The following BCAR3 variants were observed in gnomAD, a reference collection of about 807,000 sequenced individuals.
The protein encoded by BCAR3 is BCAR3 adaptor protein, NSP family member, also known as breast cancer anti-estrogen resistance protein 3.
BCAR3 carries 37 observed loss-of-function variants against 80.1 expected under a neutral mutation model. The observed-to-expected ratio is 0.46, with a 90% CI of 0.36 to 0.61. The LOEUF (loss-of-function observed/expected upper bound fraction) is 0.61, where lower values mean the gene tolerates loss of function less well. Ranked by LOEUF, BCAR3 falls within the 20% of genes least tolerant of loss-of-function variation. The pLI is 0.00. For missense variants in BCAR3, 978 were observed against 1,068.2 expected, an observed-to-expected ratio of 0.92 and a Z score of 1.18; for synonymous variants, 389 against 418.9, an observed-to-expected ratio of 0.93 and a Z score of 0.87.
chr1:93,844,842 G>A (rs1280684352), intron 2 of BCAR3, among the ~76,000 whole-genome samples: 1 of 151,754 alleles, frequency 6.6e-6, no homozygotes, highest in African/African-American at 2.4e-5. Context: ...CAGAAGTGCT[G>A]GAATTACAGG....
At chr1:93,738,071 C>T (rs564026958) in intron 2 of BCAR3, among the ~76,000 whole-genome samples, 2 of 152,058 alleles carry the variant, frequency 1.3e-5, no homozygotes, top group Non-Finnish European at 2.9e-5. Flanking sequence ...TGGCTTGAAG[C>T]GATCCTCCTG....
chr1:93,640,336 T>C (rs186036509), intron 3 of BCAR3, among the ~76,000 whole-genome samples: 55 of 152,058 alleles, frequency 3.6e-4, no homozygotes, highest in Admixed American at 3.1e-3. Context: ...TTAGTGTCCA[T>C]AGAGGCAAAT....
chr1:93,649,311 C>T (rs1676248088), intron 2 of BCAR3, among the ~76,000 whole-genome samples: 1 of 152,190 alleles, frequency 6.6e-6, no homozygotes, highest in South Asian at 2.1e-4. Context: ...GCACAGGACA[C>T]CTTGTCTTGA....
chr1:93,600,052 G>A (rs1440314896), intron 3 of BCAR3, among the ~76,000 whole-genome samples: 1 of 152,196 alleles, frequency 6.6e-6, no homozygotes, highest in Non-Finnish European at 1.5e-5. Flanking sequence ...TTTAGTCCAA[G>A]GGTGCTCCAG....
At chr1:93,813,071 C>T (rs145549607) in intron 2 of BCAR3, among the ~76,000 whole-genome samples, 222 of 152,220 alleles carry the variant, frequency 1.5e-3, no homozygotes, top group African/African-American at 5.0e-3. Flanking sequence ...CTGCATCCCT[C>T]CCCCAGATGA....
chr1:93,642,934 T>G (rs916073576), intron 2 of BCAR3, among the ~76,000 whole-genome samples: 1 of 152,176 alleles, frequency 6.6e-6, no homozygotes. Context: ...AGTGTTTTTA[T>G]TCCCCCATAT....
intron 2 of BCAR3, among the ~76,000 whole-genome samples, chr1:93,708,746 C>A (rs1406318196): frequency 2.0e-5 from 3 of 152,212 alleles, no homozygotes; most frequent in Non-Finnish European, 2.9e-5. Flanking sequence ...AAGACCATCT[C>A]AATAATCCCC....
chr1:93,833,395 C>T (rs1171355527), intron 2 of BCAR3, among the ~76,000 whole-genome samples: 1 of 152,154 alleles, frequency 6.6e-6, no homozygotes, highest in Admixed American at 6.5e-5. Context: ...TGATAAACAT[C>T]TTAACAGGAA....
At chr1:93,829,138 T>C (rs1269174415) in intron 2 of BCAR3, among the ~76,000 whole-genome samples, 1 of 152,052 alleles carries the variant, frequency 6.6e-6, no homozygotes, top group Non-Finnish European at 1.5e-5. Context: ...TGGAACGCAA[T>C]TGGTTTTGTA....
At chr1:93,668,787 C>T (rs180499) in intron 2 of BCAR3, among the ~76,000 whole-genome samples, 1 of 151,386 alleles carries the variant, frequency 6.6e-6, no homozygotes, top group Non-Finnish European at 1.5e-5. Flanking sequence ...TCTTGACTCA[C>T]TAAAACCTCC....
At chr1:93,601,145 A>G (rs995589971) in intron 3 of BCAR3, among the ~76,000 whole-genome samples, 1 of 152,342 alleles carries the variant, frequency 6.6e-6, no homozygotes, top group African/African-American at 2.4e-5. Flanking sequence ...AGCATCTGGC[A>G]CTATACCTGG....
At chr1:93,573,627 A>ATTT (rs1274372630) in intron 8 of BCAR3, among the ~76,000 whole-genome samples, 2 of 138,460 alleles carry the variant, frequency 1.4e-5, no homozygotes, top group African/African-American at 5.7e-5. Context: ...TATTATTATT[A>ATTT]TTATTATTTT....
chr1:93,631,652 T>C (rs1033282389), intron 3 of BCAR3, among the ~76,000 whole-genome samples: 2 of 152,176 alleles, frequency 1.3e-5, no homozygotes, highest in Non-Finnish European at 2.9e-5. Context: ...TTTGAGTCTC[T>C]CAGTCATCCC....
At position 93,661,227 on chromosome 1, in the gene BCAR3, C is replaced by T. The variant is rs187534779; in HGVS notation, c.317+13387G>A. ...GCTAATTTTATAGTTTTAGTAGAGACGGGGTTTCTTCATGTTGGTCAGGTT... is the reference window on the plus strand; with the variant it reads ...GCTAATTTTATAGTTTTAGTAGAGATGGGGTTTCTTCATGTTGGTCAGGTT... On this transcript the variant is annotated intron_variant, in intron 2 of 11. Coordinates refer to ENST00000260502, the MANE Select transcript of BCAR3 (RefSeq NM_003567.4). Among the ~76,000 whole-genome samples the T allele has an allele frequency of 1.8e-3, 274 of 152,172 alleles. 1 individual carries two copies. Among genetic ancestry groups the T allele is most frequent in the African/African-American group, 5.9e-3 (247 of 41,534 alleles).
At chr1:93,731,036 C>G (rs1650768309) in intron 2 of BCAR3, among the ~76,000 whole-genome samples, 1 of 152,216 alleles carries the variant, frequency 6.6e-6, no homozygotes, top group South Asian at 2.1e-4. Flanking sequence ...TAACCTTAGT[C>G]TAGCCATGGG....
At chr1:93,831,648 C>T (rs754893178) in intron 2 of BCAR3, among the ~76,000 whole-genome samples, 3 of 152,250 alleles carry the variant, frequency 2.0e-5, no homozygotes, top group Non-Finnish European at 4.4e-5. Flanking sequence ...CAAGCTCTGA[C>T]TCCTTTGAAT....
chr1:93,790,651 A>ATTT (rs1553172483), intron 2 of BCAR3, among the ~76,000 whole-genome samples: 7 of 83,528 alleles, frequency 8.4e-5, no homozygotes, highest in African/African-American at 2.1e-4. Context: ...TTTTTTCTTA[A>ATTT]TTTTTTTTTT....
At chr1:93,598,973 T>G (rs904588359) in intron 3 of BCAR3, 4 of 152,018 alleles carry the variant, frequency 2.6e-5, no homozygotes, top group Non-Finnish European at 5.9e-5. Context: ...GGCTAAAGCA[T>G]GCGAAGGCAC....
At chr1:93,732,798 A>T (rs1244061456) in intron 2 of BCAR3, among the ~76,000 whole-genome samples, 2 of 151,920 alleles carry the variant, frequency 1.3e-5, no homozygotes, top group Non-Finnish European at 2.9e-5. Flanking sequence ...AAGTAAAGAG[A>T]TCTCCCCTCC....
Sources: gnomAD v4.1 joint callset for allele counts (sites outside exome capture counted in the v4.1 genomes callset) on GRCh38, gnomAD v4.1.1 for gene constraint, MANE v1.5 for transcripts, NCBI Gene and HGNC (gene_info 2026-07-23, HGNC 2026-07-21) for gene names.